MCTP2: variants seen among roughly 807,000 people sequenced by gnomAD.
The protein encoded by MCTP2 is multiple C2 and transmembrane domain containing 2, also known as multiple C2 and transmembrane domain-containing protein 2.
A neutral mutation model predicts 111.6 loss-of-function variants in MCTP2; 132 were observed. That is an observed-to-expected ratio of 1.18 (90% CI 1.03 to 1.37). MCTP2 has a LOEUF of 1.37. MCTP2 is among the 40% of genes most tolerant of loss of function. MCTP2 has a pLI of 0.00. For synonymous variants in MCTP2, 395 were observed against 387.7 expected (o/e 1.02, Z -0.22); for missense variants, 1,183 against 1,067.9 (o/e 1.11, Z -1.50).
At chr15:94,245,312 G>A (rs1005608763) in intron 1 of MCTP2, among the ~76,000 whole-genome samples, 6 of 138,534 alleles carry the variant, frequency 4.3e-5, no homozygotes, top group Non-Finnish European at 9.2e-5. Flanking sequence ...ATACATATAT[G>A]TACATATATT....
intron 8 of MCTP2, among the ~76,000 whole-genome samples, chr15:94,349,540 C>G (rs1478767261): frequency 2.6e-5 from 4 of 152,052 alleles, no homozygotes; most frequent in African/African-American, 9.7e-5. Context: ...ACGCTGGTCT[C>G]TGTGTTGGGC....
At position 94,328,995 on chromosome 15, in the gene MCTP2, A is replaced by C. The variant is rs187608395; in HGVS notation, c.638-10295A>C. The stretch of plus-strand genomic sequence containing the variant: ...CTTCCTCATGACATGGCAGCATCAG[A>C]GTCACTAAGCTTTTTATGTGGAAGC... On this transcript the variant is annotated intron_variant, in intron 4 of 22. Transcript: ENST00000357742. 1.7e-4 allele frequency among the ~76,000 whole-genome samples: 26 copies of C among 152,282 alleles called. 1 individual carries two copies. The highest frequency in any genetic ancestry group is 5.2e-4 in the Admixed American group (8 of 15,302).
At chr15:94,363,828 T>G (rs1158441723) in intron 10 of MCTP2, among the ~76,000 whole-genome samples, 2 of 152,204 alleles carry the variant, frequency 1.3e-5, no homozygotes, top group Non-Finnish European at 2.9e-5. Flanking sequence ...CAAAGACATT[T>G]AGTCTCCTTG....
At chr15:94,357,156 G>C (rs2078670119) in intron 9 of MCTP2, among the ~76,000 whole-genome samples, 1 of 152,190 alleles carries the variant, frequency 6.6e-6, no homozygotes, top group Non-Finnish European at 1.5e-5. Flanking sequence ...AGGGAGGCAA[G>C]AGGTTGTGCG....
chr15:94,390,067 T>C (rs866540469), intron 14 of MCTP2, among the ~76,000 whole-genome samples: 996 of 12,284 alleles, frequency 0.081, 20 homozygotes, highest in African/African-American at 0.17. Flanking sequence ...TATATATATA[T>C]ATATATATAT....
chr15:94,429,790 A>T (rs1352384511), intron 17 of MCTP2, among the ~76,000 whole-genome samples: 1 of 152,134 alleles, frequency 6.6e-6, no homozygotes, highest in Non-Finnish European at 1.5e-5. Flanking sequence ...CTGAATTCCA[A>T]ACCATATATC....
intron 1 of MCTP2, among the ~76,000 whole-genome samples, chr15:94,243,938 C>G (rs1203045008): frequency 6.9e-6 from 1 of 144,458 alleles, no homozygotes; most frequent in Non-Finnish European, 1.5e-5. Context: ...TATGTGTACA[C>G]ATACATATAT....
At chr15:94,326,180 T>C (rs1347962067) in intron 4 of MCTP2, among the ~76,000 whole-genome samples, 2 of 152,294 alleles carry the variant, frequency 1.3e-5, no homozygotes, top group Non-Finnish European at 1.5e-5. Context: ...CTTTTAAATG[T>C]TTGGTTACCT....
At position 94,445,923 on chromosome 15, in the gene MCTP2, T is replaced by C. The variant is rs1340306858; in HGVS notation, c.2250+2963T>C. ...CACCACATACCATCACGGACGACTG[T>C]GGAAGATAAAAGCGTGCCGGGGCCT... On this transcript the variant is annotated intron_variant, in intron 19 of 22. Coordinates refer to ENST00000357742, the MANE Select transcript of MCTP2 (RefSeq NM_001385001.1). Among the ~76,000 whole-genome samples the C allele has an allele frequency of 2.0e-5, 3 of 152,324 alleles. No individual in the cohort carries two copies. In the East Asian group the frequency reaches 5.8e-4, roughly 29 times the overall value.
Position 94,330,890 on chromosome 15 carries a change from A to G in MCTP2, c.638-8400A>G, listed in dbSNP as rs1035322318. On this transcript the variant is annotated intron_variant, in intron 4 of 22. Transcript: ENST00000357742. Reference sequence around the variant, plus strand: ...GCTGGGACAAAAGCTGCGCACCACCATGACTGGCTAATTTCTGTATTTTTT... The same window carrying G: ...GCTGGGACAAAAGCTGCGCACCACCGTGACTGGCTAATTTCTGTATTTTTT... Among the ~76,000 whole-genome samples the G allele has an allele frequency of 4.0e-5, 6 of 151,556 alleles. No homozygotes were observed. In the South Asian group the frequency reaches 6.2e-4, roughly 16 times the overall value.
At chr15:94,423,066 T>C (rs372013344) in intron 17 of MCTP2, among the ~76,000 whole-genome samples, 10 of 152,320 alleles carry the variant, frequency 6.6e-5, no homozygotes, top group African/African-American at 2.4e-4. Flanking sequence ...TAACTGGGTA[T>C]ATGTCTTCTA....
chr15:94,351,483 A>AT (rs1249801833), intron 8 of MCTP2, among the ~76,000 whole-genome samples: 2 of 152,064 alleles, frequency 1.3e-5, no homozygotes, highest in African/African-American at 4.8e-5. Flanking sequence ...TTTACTACTC[A>AT]TTTTTCTTAC....
chr15:94,469,593 C>G (rs1433477448), intron 20 of MCTP2, among the ~76,000 whole-genome samples: 1 of 152,164 alleles, frequency 6.6e-6, no homozygotes, highest in Admixed American at 6.5e-5. Context: ...CCCCATGGGG[C>G]ACAGTGGCTC....
intron 2 of MCTP2, among the ~76,000 whole-genome samples, chr15:94,304,663 A>G (rs1242614854): frequency 2.0e-5 from 3 of 152,208 alleles, no homozygotes; most frequent in Admixed American, 6.5e-5. Context: ...AAATTGGTGC[A>G]GGGATTGGCA....
intron 17 of MCTP2, among the ~76,000 whole-genome samples, chr15:94,415,365 TAA>T (rs2082325039): frequency 6.6e-6 from 1 of 152,112 alleles, no homozygotes; most frequent in South Asian, 2.1e-4. Flanking sequence ...GTGAAAGCAA[TAA>T]GAGATGTTAT....
intron 17 of MCTP2, among the ~76,000 whole-genome samples, chr15:94,435,787 A>G (rs1483398070): frequency 1.4e-5 from 2 of 139,906 alleles, no homozygotes; most frequent in Non-Finnish European, 1.6e-5. Context: ...GCCCGCCACT[A>G]CACCCGGCTA....
At chr15:94,332,596 G>C (rs1442655701) in intron 4 of MCTP2, among the ~76,000 whole-genome samples, 1 of 152,168 alleles carries the variant, frequency 6.6e-6, no homozygotes, top group Admixed American at 6.5e-5. Context: ...AAAGTTATCA[G>C]ATATTCGAAA....
Position 94,482,174 on chromosome 15 carries a change from C to T in MCTP2, c.*3140C>T, listed in dbSNP as rs1449213016. The T allele has an allele frequency of 6.6e-6, 1 of 152,102 alleles. No homozygotes were observed. Among genetic ancestry groups the T allele is most frequent in the African/African-American group, 2.4e-5 (1 of 41,428 alleles). The allele number at this position is 152,102 out of a possible 1,614,324, so 9.4% of individuals were successfully genotyped here. A position where few individuals can be genotyped will look rare whatever the true frequency, so the allele number is the denominator to read the frequency against. Reference sequence around the variant, plus strand: ...ACTACATTCCCTTGGTAAAGCCAGACATTAAACAGATACTTTCAAGCAACA... The same window carrying T: ...ACTACATTCCCTTGGTAAAGCCAGATATTAAACAGATACTTTCAAGCAACA... On this transcript the variant is annotated 3_prime_UTR_variant, in exon 23 of 23. Coordinates refer to ENST00000357742, the MANE Select transcript of MCTP2 (RefSeq NM_001385001.1).
chr15:94,264,566 G>A (rs1279196277), intron 1 of MCTP2, among the ~76,000 whole-genome samples: 14 of 151,896 alleles, frequency 9.2e-5, no homozygotes, highest in Admixed American at 2.6e-4. Flanking sequence ...CCGAGTTTGC[G>A]CCACTGCACT....
Sources: gnomAD v4.1 joint callset for allele counts (sites outside exome capture counted in the v4.1 genomes callset) on GRCh38, gnomAD v4.1.1 for gene constraint, MANE v1.5 for transcripts, NCBI Gene and HGNC (gene_info 2026-07-23, HGNC 2026-07-21) for gene names.